DLG2: variants seen among roughly 807,000 people sequenced by gnomAD.
The protein encoded by DLG2 is discs large MAGUK scaffold protein 2.
Under a neutral mutation model 132.5 loss-of-function variants are expected in DLG2, and 45 were observed. That is an observed-to-expected ratio of 0.34 (90% CI 0.27 to 0.44). The LOEUF is 0.44. DLG2 is among the 20% of genes least tolerant of loss of function. The pLI, the probability that DLG2 is intolerant of heterozygous loss-of-function variation, is 1.00. For missense variants in DLG2, 1,045 were observed against 1,196.9 expected (o/e 0.87, Z 1.87); for synonymous variants, 424 against 419.6 (o/e 1.01, Z -0.13).
intron 7 of DLG2, among the ~76,000 whole-genome samples, chr11:84,315,651 T>C (rs1005443646): frequency 5.9e-5 from 9 of 152,188 alleles, no homozygotes; most frequent in Admixed American, 3.9e-4. Flanking sequence ...AGTTTAATAA[T>C]AAAATGGTAA....
At chr11:84,382,775 A>C (rs919081173) in intron 7 of DLG2, among the ~76,000 whole-genome samples, 1 of 152,028 alleles carries the variant, frequency 6.6e-6, no homozygotes, top group African/African-American at 2.4e-5. Flanking sequence ...ATACACAAAA[A>C]ATACTCAATC....
In DLG2 at chr11:84,689,816, C is replaced by G. The variant is rs151233246; in HGVS notation, c.358-155085G>C. Among the ~76,000 whole-genome samples, 1,482 of 152,050 alleles carry G rather than the reference C, an allele frequency of 9.7e-3. 24 individuals are homozygous for G. Among genetic ancestry groups the G allele is most frequent in the African/African-American group, 0.034 (1,406 of 41,496 alleles). On this transcript the variant is annotated intron_variant, in intron 6 of 27. Coordinates refer to ENST00000376104, the MANE Select transcript of DLG2 (RefSeq NM_001142699.3). ...GTTAACGCACACACACAGACACACA[C>G]ACACACAAACATGCATGCAGACCAT... is the stretch of plus-strand genomic sequence containing the variant.
At chr11:83,651,220 G>A (rs992043547) in intron 18 of DLG2, among the ~76,000 whole-genome samples, 1 of 152,034 alleles carries the variant, frequency 6.6e-6, no homozygotes, top group Non-Finnish European at 1.5e-5. Flanking sequence ...AGAAAACTGA[G>A]TTTAGGTTAA....
At chr11:85,360,799 A>G (rs1342701854) in intron 3 of DLG2, among the ~76,000 whole-genome samples, 1 of 152,160 alleles carries the variant, frequency 6.6e-6, no homozygotes, top group Non-Finnish European at 1.5e-5. Flanking sequence ...TCTCAATAAA[A>G]TCTCTCCTGG....
At chr11:84,162,308 G>C (rs772175022) in intron 9 of DLG2, among the ~76,000 whole-genome samples, 2 of 151,676 alleles carry the variant, frequency 1.3e-5, no homozygotes, top group Non-Finnish European at 2.9e-5. Context: ...CTTTATGAGT[G>C]TATTTATGTA....
rs532719569 is a variant in DLG2 at position 84,321,107 on chromosome 11, C to A, written c.520-69816G>T. Among the ~76,000 whole-genome samples the A allele has an allele frequency of 4.6e-5, 7 of 152,280 alleles. No individual in the cohort carries two copies. In the South Asian group the frequency reaches 1.5e-3, roughly 32 times the overall value. Reference sequence around the variant, plus strand: ...TTTGTTCTCATCCTTCAAGATTAAACTAATGTCACTTCTGTAAGCTTTTCA... The same window carrying A: ...TTTGTTCTCATCCTTCAAGATTAAAATAATGTCACTTCTGTAAGCTTTTCA... On this transcript the variant is annotated intron_variant, in intron 7 of 27. Coordinates refer to ENST00000376104, the MANE Select transcript of DLG2 (RefSeq NM_001142699.3).
In DLG2 at chr11:84,861,283, C is replaced by A. The variant is rs559505525; in HGVS notation, c.357+250378G>T. Among the ~76,000 whole-genome samples the A allele has an allele frequency of 2.0e-4, 31 of 152,130 alleles. No homozygotes were observed. The South Asian group carries it at 5.8e-3, about 29-fold the overall frequency. On this transcript the variant is annotated intron_variant, in intron 6 of 27. Coordinates refer to ENST00000376104, the MANE Select transcript of DLG2 (RefSeq NM_001142699.3). ...GTGAAGAAAAATCTTGGTTTGTTCA[C>A]GGGCCTGAGAGAAGTTTGTAGAAAC...
chr11:84,786,536 G>C (rs2072926838), intron 6 of DLG2, among the ~76,000 whole-genome samples: 1 of 152,160 alleles, frequency 6.6e-6, no homozygotes, highest in Non-Finnish European at 1.5e-5. Context: ...TTCTAAGATA[G>C]AGCACTGAGC....
intron 10 of DLG2, among the ~76,000 whole-genome samples, chr11:84,081,373 C>T (rs898612612): frequency 6.6e-6 from 1 of 151,188 alleles, no homozygotes; most frequent in African/African-American, 2.4e-5. Context: ...TTAATAAACA[C>T]TATTATTATT....
rs1366564171 is a variant in DLG2, at chr11:83,870,731, C to T, written c.1565+3689G>A. ...AGCGGTGTGCATGCTAATTGGGGGA[C>T]TCTTCATTCCTATTCTCAGACTCTG... On this transcript the variant is annotated intron_variant, in intron 16 of 27. Coordinates refer to ENST00000376104, the MANE Select transcript of DLG2 (RefSeq NM_001142699.3). Among the ~76,000 whole-genome samples the T allele has an allele frequency of 3.9e-5, 6 of 152,206 alleles. No homozygotes were observed. In the East Asian group the frequency reaches 7.7e-4, roughly 20 times the overall value.
intron 6 of DLG2, among the ~76,000 whole-genome samples, chr11:84,772,048 C>A (rs2069509089): frequency 6.6e-6 from 1 of 151,436 alleles, no homozygotes; most frequent in Admixed American, 6.6e-5. Context: ...TAGGCTCAAT[C>A]AAAGAGTTGG....
intron 3 of DLG2, among the ~76,000 whole-genome samples, chr11:85,462,916 A>C (rs2092663635): frequency 6.6e-6 from 1 of 152,190 alleles, no homozygotes; most frequent in South Asian, 2.1e-4. Context: ...ATCTGTTAAA[A>C]TCAATGTCCT....
intron 3 of DLG2, among the ~76,000 whole-genome samples, chr11:85,459,183 C>T (rs2092521256): frequency 6.6e-6 from 1 of 152,196 alleles, no homozygotes; most frequent in South Asian, 2.1e-4. Flanking sequence ...AGCAAGGTCA[C>T]TACCACTGCA....
chr11:84,059,875 T>C (rs1463241764), intron 10 of DLG2, among the ~76,000 whole-genome samples: 1 of 152,208 alleles, frequency 6.6e-6, no homozygotes, highest in East Asian at 1.9e-4. Context: ...ATGAACTATA[T>C]AGACATAACA....
chr11:84,104,627 A>G (rs1319266871), intron 9 of DLG2, among the ~76,000 whole-genome samples: 2 of 152,150 alleles, frequency 1.3e-5, no homozygotes, highest in Admixed American at 6.6e-5. Flanking sequence ...GAAAATGTTG[A>G]TTATATAAAT....
At chr11:85,084,440 G>C (rs473818) in intron 6 of DLG2, among the ~76,000 whole-genome samples, 9 of 152,142 alleles carry the variant, frequency 5.9e-5, no homozygotes, top group African/African-American at 2.2e-4. Flanking sequence ...TTTCTGTTGA[G>C]AGCAAGAGTG....
At chr11:84,138,948 C>CAAAA (rs5793107) in intron 9 of DLG2, among the ~76,000 whole-genome samples, 3 of 92,038 alleles carry the variant, frequency 3.3e-5, no homozygotes, top group African/African-American at 7.9e-5. Context: ...GACTCCATCT[C>CAAAA]AAAAAAAAAA....
intron 7 of DLG2, among the ~76,000 whole-genome samples, chr11:84,445,422 A>G (rs1357986112): frequency 2.6e-5 from 4 of 152,162 alleles, no homozygotes; most frequent in Non-Finnish European, 5.9e-5. Context: ...GTAAATCGAC[A>G]ATGATTTTCC....
At chr11:83,460,361 T>C (rs1234320376) in intron 27 of DLG2, among the ~76,000 whole-genome samples, 1 of 152,202 alleles carries the variant, frequency 6.6e-6, no homozygotes, top group African/African-American at 2.4e-5. Context: ...ATTCAGATAT[T>C]GTAGACACCG....
Sources: allele counts gnomAD v4.1 joint callset (sites outside exome capture counted in the v4.1 genomes callset), GRCh38; gene constraint gnomAD v4.1.1; transcripts MANE v1.5; gene names NCBI Gene and HGNC (gene_info 2026-07-23, HGNC 2026-07-21).